The following PXDN variants were observed in gnomAD, a reference collection of about 807,000 sequenced individuals.
The protein encoded by PXDN is peroxidasin homolog.
Under a neutral mutation model 140.3 loss-of-function variants are expected in PXDN, and 77 were observed. The ratio of observed to expected loss-of-function variants is 0.55; its 90% CI spans 0.46 to 0.66. The LOEUF (loss-of-function observed/expected upper bound fraction) is 0.66. PXDN is among the 30% of genes least tolerant of loss of function. The pLI, the probability that PXDN is intolerant of heterozygous loss-of-function variation, is 0.00. For synonymous variants in PXDN, 911 were observed against 857.4 expected (o/e 1.06, Z -1.09); for missense variants, 1,838 against 2,039.5 (o/e 0.90, Z 1.90).
Position 1,634,398 on chromosome 2 carries a change from G to A in PXDN, c.4321-75C>T, listed in dbSNP as rs560724196. On this transcript the variant is annotated intron_variant, in intron 22 of 22. Coordinates refer to ENST00000252804, the MANE Select transcript of PXDN (RefSeq NM_012293.3). ...GGTGAGCAAAGCCTGTCAGCTCCGG[G>A]ACAGGTGTCAGCCACGGCCATGAGT... is the stretch of plus-strand genomic sequence containing the variant. 4.0e-6 allele frequency: 6 copies of A among 1,495,660 alleles called. No homozygotes were observed. The East Asian group carries it at 1.5e-4, about 37-fold the overall frequency. 92.6% of individuals were successfully genotyped at this position (1,495,660 alleles called of 1,614,324 possible). A position where few individuals can be genotyped will look rare whatever the true frequency, so the allele number is the denominator to read the frequency against.
chr2:1,644,740 C>G lies in PXDN; in HGVS notation c.3621G>C (p.Ser1207=). The change falls in exon 18 of 23, where the codon TCG becomes TCC. Residue 1207 remains serine (S), a synonymous_variant. Coordinates refer to ENST00000252804, the MANE Select transcript of PXDN (RefSeq NM_012293.3). ...CCGGAAACAGGTCGATGTTGAGTGT[C>G]GAGCCATACAACCTAAAAAATAAAG... is the stretch of plus-strand genomic sequence containing the variant. ...IREKLKRLYG[S]TLNIDLFPAL... The G allele has an allele frequency of 6.4e-7, 1 of 1,551,836 alleles. No individual in the cohort carries two copies. Among genetic ancestry groups the G allele is most frequent in the South Asian group, 1.2e-5 (1 of 82,094 alleles).
chr2:1,711,025 CCCACTCCACCAGCAT>C (rs1684758872), intron 1 of PXDN, among the ~76,000 whole-genome samples: 1 of 72,546 alleles, frequency 1.4e-5, no homozygotes, highest in Non-Finnish European at 2.7e-5. Context: ...TCCACCAGCA[CCCACTCCACCAGCAT>C]CCACTCTACC....
chr2:1,672,906 C>G (rs1558501868), intron 9 of PXDN, among the ~76,000 whole-genome samples: 1 of 152,220 alleles, frequency 6.6e-6, no homozygotes, highest in Non-Finnish European at 1.5e-5. Context: ...TGCAGCCTCC[C>G]TGGGTAAGGG....
intron 6 of PXDN, among the ~76,000 whole-genome samples, chr2:1,681,681 C>T (rs1683910761): frequency 6.6e-6 from 1 of 152,084 alleles, no homozygotes; most frequent in South Asian, 2.1e-4. Flanking sequence ...TGAGCAGGTG[C>T]ACAGCTCTCA....
rs748846247 is a variant in PXDN at position 1,651,166 on chromosome 2, A to C, written c.2105-1491T>G. 6.6e-6 allele frequency among the ~76,000 whole-genome samples: 1 copy of C among 152,184 alleles called. No individual in the cohort carries two copies. The highest frequency in any genetic ancestry group is 2.4e-5 in the African/African-American group (1 of 41,468). ...TTCACAGCTACTCTTGGGAAGTCCT[A>C]CAGAATTATCAATCTTGAACATCCA... On this transcript the variant is annotated intron_variant, in intron 16 of 22. Transcript: ENST00000252804. This position sits in a 1 kb window ranked among gnomAD's most constrained non-coding sequence, Gnocchi z 4.4.
intron 1 of PXDN, among the ~76,000 whole-genome samples, chr2:1,735,797 A>G (rs1245921962): frequency 6.6e-6 from 1 of 152,188 alleles, no homozygotes; most frequent in Non-Finnish European, 1.5e-5. Flanking sequence ...TGTCCTTTGA[A>G]GCTTTGAAGC....
At chr2:1,738,258 C>T (rs6743925) in intron 1 of PXDN, among the ~76,000 whole-genome samples, 3,504 of 152,150 alleles carry the variant, frequency 0.023, 119 homozygotes, top group African/African-American at 0.08. Flanking sequence ...TTGGGAAGTA[C>T]GAGAGAGCTC....
intron 17 of PXDN, among the ~76,000 whole-genome samples, chr2:1,647,641 C>A (rs1417867338): frequency 6.6e-6 from 1 of 152,210 alleles, no homozygotes; most frequent in Non-Finnish European, 1.5e-5. Context: ...CAGGTGGCCC[C>A]ACAGGCCTGG....
rs759329037 is a variant in PXDN, at chr2:1,648,708, C to G, written c.3072G>C (p.Ala1024=). The G allele has an allele frequency of 1.2e-6, 2 of 1,605,274 alleles. No individual in the cohort carries two copies. The highest frequency in any genetic ancestry group is 1.7e-6 in the Non-Finnish European group (2 of 1,176,420). ...IYYETRKIVG[A]EIQHITYQHW... is the part of the protein sequence containing the mutation. ...GCTGGTAGGTGATGTGCTGGATCTC[C>G]GCACCCACGATCTTCCTGGTCTCAT... Residue 1024 remains alanine, a synonymous_variant, in exon 17 of 23, where the codon GCG becomes GCC. Coordinates refer to ENST00000252804, the MANE Select transcript of PXDN (RefSeq NM_012293.3). The surrounding 1 kb of genome is among the most constrained non-coding windows in gnomAD (Gnocchi z 8.9).
intron 2 of PXDN, among the ~76,000 whole-genome samples, 182 bp downstream of exon 2, chr2:1,692,879 AAC>A (rs1392597961): frequency 3.3e-5 from 5 of 152,174 alleles, no homozygotes; most frequent in African/African-American, 1.2e-4. Flanking sequence ...TGAGACGAGA[AAC>A]ACAGTGGCCA....
At chr2:1,671,494 A>G (rs912885396) in intron 9 of PXDN, among the ~76,000 whole-genome samples, 2 of 152,202 alleles carry the variant, frequency 1.3e-5, no homozygotes, top group African/African-American at 4.8e-5. Context: ...AAATGGTGGG[A>G]AAAGACACAC....
chr2:1,713,712 G>A (rs1684834495), intron 1 of PXDN, among the ~76,000 whole-genome samples: 1 of 152,212 alleles, frequency 6.6e-6, no homozygotes, highest in Non-Finnish European at 1.5e-5. Context: ...AGTGCCTCCG[G>A]AGCATGGGGG....
intron 1 of PXDN, among the ~76,000 whole-genome samples, chr2:1,718,785 G>A (rs1254600722): frequency 6.6e-6 from 1 of 152,248 alleles, no homozygotes; most frequent in African/African-American, 2.4e-5. Context: ...CCAGTCCTCT[G>A]GTTGAGCCTG....
intron 7 of PXDN, among the ~76,000 whole-genome samples, chr2:1,678,602 G>A (rs930919092): frequency 2.0e-5 from 3 of 152,240 alleles, no homozygotes; most frequent in African/African-American, 4.8e-5. Context: ...CATCTGGAAT[G>A]AACACCCATA....
intron 1 of PXDN, among the ~76,000 whole-genome samples, chr2:1,738,363 ACTC>A (rs781622952): frequency 3.3e-5 from 5 of 152,062 alleles, no homozygotes; most frequent in African/African-American, 7.2e-5. Flanking sequence ...CTGAGAGATC[ACTC>A]GATTCCCAGC....
At chr2:1,708,336 G>A (rs1202766023) in intron 1 of PXDN, among the ~76,000 whole-genome samples, 1 of 152,198 alleles carries the variant, frequency 6.6e-6, no homozygotes, top group Non-Finnish European at 1.5e-5. Context: ...GCCCTTTCAT[G>A]TTCCAGCAGC....
Position 1,733,878 on chromosome 2 carries a change from G to A in PXDN, c.200+10378C>T, listed in dbSNP as rs184839252. Among the ~76,000 whole-genome samples, 369 of 151,610 alleles carry A rather than the reference G, an allele frequency of 2.4e-3. 1 individual carries two copies. Among genetic ancestry groups the A allele is most frequent in the Non-Finnish European group, 3.4e-3 (231 of 67,952 alleles). On this transcript the variant is annotated intron_variant, in intron 1 of 22. Coordinates refer to ENST00000252804, the MANE Select transcript of PXDN (RefSeq NM_012293.3). ...TAAACATCCAAAAGCTAAAGGAATC[G>A]ATTACCAATAGAGCTGCACTATAAG...
intron 1 of PXDN, among the ~76,000 whole-genome samples, chr2:1,694,352 G>T: frequency 6.6e-6 from 1 of 152,160 alleles, no homozygotes. Flanking sequence ...TGTAGAATTG[G>T]TTCTAGTTCA....
At chr2:1,650,186 CAA>C (rs1479295188) in intron 16 of PXDN, among the ~76,000 whole-genome samples, 2 of 152,316 alleles carry the variant, frequency 1.3e-5, no homozygotes, top group South Asian at 4.1e-4. Context: ...CCTCAACGTC[CAA>C]AAGAGTGCCA....
Sources: allele counts gnomAD v4.1 joint callset (sites outside exome capture counted in the v4.1 genomes callset), GRCh38; gene constraint gnomAD v4.1.1; non-coding constraint Gnocchi (gnomAD v3.1); transcripts MANE v1.5; gene names NCBI Gene and HGNC (gene_info 2026-07-23, HGNC 2026-07-21).